ADGRG6: variants seen among roughly 807,000 people sequenced by gnomAD.
The protein encoded by ADGRG6 is G-protein coupled receptor 126.
A neutral mutation model predicts 142.4 loss-of-function variants in ADGRG6; 84 were observed. That is an observed-to-expected ratio of 0.59 (90% CI 0.49 to 0.71). The LOEUF (loss-of-function observed/expected upper bound fraction) is 0.71. Among genes scored for constraint, ADGRG6 ranks in the 30% least tolerant of loss-of-function variants. ADGRG6 has a pLI of 0.00. For missense variants in ADGRG6, 1,367 were observed against 1,466.6 expected, an observed-to-expected ratio of 0.93 and a Z score of 1.11; for synonymous variants, 521 against 520.5, an observed-to-expected ratio of 1.00 and a Z score of -0.01.
At chr6:142,303,353 T>C (rs1200855239) in intron 1 of ADGRG6, among the ~76,000 whole-genome samples, 1 of 152,170 alleles carries the variant, frequency 6.6e-6, no homozygotes, top group African/African-American at 2.4e-5. Flanking sequence ...TTCCACACTT[T>C]CCTGCACTTT....
intron 2 of ADGRG6, among the ~76,000 whole-genome samples, chr6:142,317,767 T>A (rs1366398287): frequency 1.0e-5 from 1 of 96,592 alleles, no homozygotes; most frequent in Non-Finnish European, 1.9e-5. Context: ...TTATATATAT[T>A]TATATCATAT....
intron 2 of ADGRG6, among the ~76,000 whole-genome samples, chr6:142,341,430 A>G (rs1166141942): frequency 3.3e-5 from 4 of 119,782 alleles, no homozygotes; most frequent in Non-Finnish European, 5.0e-5. Context: ...ATTATATAAT[A>G]TATATAATTA....
At chr6:142,420,323 C>T (rs941323213) in intron 22 of ADGRG6, among the ~76,000 whole-genome samples, 32 of 152,192 alleles carry the variant, frequency 2.1e-4, no homozygotes, top group African/African-American at 7.5e-4. Flanking sequence ...ATGCCAAGCA[C>T]CTAGAACACT....
chr6:142,310,474 T>C (rs1471815266), intron 2 of ADGRG6, among the ~76,000 whole-genome samples: 1 of 151,708 alleles, frequency 6.6e-6, no homozygotes, highest in African/African-American at 2.4e-5. Flanking sequence ...ATTCTTGAAG[T>C]CTTATGTATT....
chr6:142,413,340 T>G (rs994763519), intron 18 of ADGRG6, among the ~76,000 whole-genome samples: 1 of 152,174 alleles, frequency 6.6e-6, no homozygotes, highest in African/African-American at 2.4e-5. Context: ...TATCTTCTGG[T>G]CTACAAATAT....
chr6:142,438,618 C>G (rs898021573), intron 24 of ADGRG6, among the ~76,000 whole-genome samples: 1 of 152,036 alleles, frequency 6.6e-6, no homozygotes, highest in Admixed American at 6.6e-5. Flanking sequence ...TCATTTGATT[C>G]AAAAACTTGG....
chr6:142,325,562 G>A (rs1475164505), intron 2 of ADGRG6, among the ~76,000 whole-genome samples: 1 of 152,044 alleles, frequency 6.6e-6, no homozygotes, highest in Non-Finnish European at 1.5e-5. Flanking sequence ...ATAATGAATT[G>A]TATGTTTTGG....
chr6:142,367,997 TCTTTTATGTGAA>T, intron 3 of ADGRG6, 87 bp downstream of exon 3: 1 of 713,876 alleles, frequency 1.4e-6, no homozygotes, highest in East Asian at 2.5e-5. Flanking sequence ...AGAGTTATGC[TCTTTTATGTGAA>T]TGTGAATGAT....
chr6:142,354,936 A>C (rs1380759419), intron 2 of ADGRG6, among the ~76,000 whole-genome samples: 1 of 152,216 alleles, frequency 6.6e-6, no homozygotes, highest in Non-Finnish European at 1.5e-5. Flanking sequence ...ATTATGTTAT[A>C]GGGAGAAGAC....
chr6:142,400,828 CTG>C, intron 11 of ADGRG6: 1 of 427,058 alleles, frequency 2.3e-6, no homozygotes, highest in East Asian at 3.9e-5. Context: ...CACAGAAAAA[CTG>C]AAGAGTTTAG....
chr6:142,358,489 T>A (rs1583031917), intron 2 of ADGRG6, among the ~76,000 whole-genome samples: 1 of 152,352 alleles, frequency 6.6e-6, no homozygotes, highest in East Asian at 1.9e-4. Flanking sequence ...CAGTGCAGCT[T>A]GCTAGCTTTT....
At position 142,438,313 on chromosome 6, in the gene ADGRG6, T is replaced by C. The variant is rs1777586132; in HGVS notation, c.3523T>C (p.Ser1175Pro). 6.2e-7 allele frequency: 1 copy of C among 1,609,676 alleles called. No homozygotes were observed. Among genetic ancestry groups the C allele is most frequent in the South Asian group, 1.1e-5 (1 of 90,664 alleles). The change falls in exon 24 of 25, where the codon TCC (serine) becomes CCC (proline). Residue 1175 changes from serine (S) to proline (P), a missense_variant. By Grantham distance (74) the Ser-to-Pro change is moderately conservative. Coordinates refer to ENST00000367609, the MANE Select transcript of ADGRG6 (RefSeq NM_198569.3). ...TGGTTCCAACTCAACCTATCTTACATCCAAATCTAAATCCAGCTCTACCAC... is the reference window on the plus strand; with the variant it reads ...TGGTTCCAACTCAACCTATCTTACACCCAAATCTAAATCCAGCTCTACCAC... ...SIGSNSTYLT[S>P]KSKSSSTTYF...
At chr6:142,347,322 A>C (rs1010773586) in intron 2 of ADGRG6, among the ~76,000 whole-genome samples, 3 of 152,174 alleles carry the variant, frequency 2.0e-5, no homozygotes, top group Non-Finnish European at 4.4e-5. Context: ...AAATATTACC[A>C]TAGTTTTTAT....
intron 1 of ADGRG6, among the ~76,000 whole-genome samples, chr6:142,304,533 A>G (rs915360782): frequency 2.6e-5 from 4 of 152,224 alleles, no homozygotes; most frequent in Non-Finnish European, 4.4e-5. Context: ...AGAAGCCTGT[A>G]GTTTTGTAGC....
Position 142,415,994 on chromosome 6 carries a change from C to T in ADGRG6, c.2868C>T (p.Tyr956=), listed in dbSNP as rs375449753. The change falls in exon 20 of 25, where the codon TAC becomes TAT. Residue 956 remains tyrosine (Y), a synonymous_variant. Transcript: ENST00000367609. ...TWMGLEAIHM[Y]IALVKVFNTY... is the part of the protein sequence containing the mutation. ...TGGGGCTAGAAGCAATTCACATGTA[C>T]ATTGCTCTAGTTAAAGTATTTAACA... 2.5e-6 allele frequency: 4 copies of T among 1,606,688 alleles called. No homozygotes were observed. The African/African-American group carries it at 4.0e-5, about 16-fold the overall frequency.
chr6:142,336,135 G>T lies in ADGRG6; in HGVS notation c.103+26491G>T, dbSNP rs148048328. ...TCTCTGTGTGCAGGTCTATGTGCAG[G>T]TCTTCCATGCAGCAGGCAGCTCAGA... On this transcript the variant is annotated intron_variant, in intron 2 of 24. Coordinates refer to ENST00000367609, the MANE Select transcript of ADGRG6 (RefSeq NM_198569.3). Among the ~76,000 whole-genome samples the T allele has an allele frequency of 4.7e-3, 717 of 152,250 alleles. 6 individuals are homozygous for T. The highest frequency in any genetic ancestry group is 0.017 in the African/African-American group (687 of 41,514).
At chr6:142,442,896 A>G (rs773898043) in intron 24 of ADGRG6, among the ~76,000 whole-genome samples, 10 of 152,150 alleles carry the variant, frequency 6.6e-5, no homozygotes, top group African/African-American at 2.4e-4. Context: ...CCATCAATTT[A>G]TAGCCAGTTA....
chr6:142,324,217 G>T (rs1778653465), intron 2 of ADGRG6, among the ~76,000 whole-genome samples: 1 of 152,034 alleles, frequency 6.6e-6, no homozygotes, highest in Non-Finnish European at 1.5e-5. Context: ...CTGCAATCTA[G>T]CAGTAAAGCA....
chr6:142,302,423 A>G, intron 1 of ADGRG6, 92 bp downstream of exon 1: 1 of 1,360,832 alleles, frequency 7.3e-7, no homozygotes, highest in Non-Finnish European at 1.0e-6. Context: ...CCCTCAAGAG[A>G]AATGATTTTA....
Sources: allele counts gnomAD v4.1 joint callset (sites outside exome capture counted in the v4.1 genomes callset), GRCh38; gene constraint gnomAD v4.1.1; transcripts MANE v1.5; gene names NCBI Gene and HGNC (gene_info 2026-07-23, HGNC 2026-07-21).